MAPK10: variants seen among roughly 807,000 people sequenced by gnomAD.
MAPK10 encodes mitogen-activated protein kinase 10, also known as JNK3 alpha protein kinase.
Under a neutral mutation model 59.3 loss-of-function variants are expected in MAPK10, and 25 were observed. The observed-to-expected ratio is 0.42, with a 90% CI of 0.31 to 0.59. The LOEUF (loss-of-function observed/expected upper bound fraction) is 0.59, where lower values mean the gene tolerates loss of function less well. Ranked by LOEUF, MAPK10 falls within the 20% of genes least tolerant of loss-of-function variation. MAPK10 has a pLI of 0.15. For synonymous variants in MAPK10, 190 were observed against 200.5 expected (o/e 0.95, Z 0.44); for missense variants, 351 against 568.9 (o/e 0.62, Z 3.90).
upstream of MAPK10, among the ~76,000 whole-genome samples, chr4:86,363,969 ATGAGGTCTAAGTC>A (rs1279827893): frequency 6.6e-6 from 1 of 151,954 alleles, no homozygotes; most frequent in African/African-American, 2.4e-5. Flanking sequence ...TTTAGCAGAG[ATGAGGTCTAAGTC>A]TGTTGCATAG....
At chr4:86,360,477 G>A (rs140366822), upstream of MAPK10, among the ~76,000 whole-genome samples, 62 of 152,308 alleles carry the variant, frequency 4.1e-4, 1 homozygote, top group East Asian at 0.012. Flanking sequence ...CCTCAGAGGA[G>A]AAGCAGGCAT....
chr4:86,040,920 C>G (rs1466675008), intron 11 of MAPK10: 1 of 152,128 alleles, frequency 6.6e-6, no homozygotes, highest in Non-Finnish European at 1.5e-5. Flanking sequence ...CTTTCCACAA[C>G]AAAAGTTGAG....
chr4:86,024,963 T>C (rs1186330358), intron 13 of MAPK10: 1 of 152,228 alleles, frequency 6.6e-6, no homozygotes, highest in Non-Finnish European at 1.5e-5. Flanking sequence ...TGGCACAAAT[T>C]CATTAAGAGA....
chr4:86,469,657 C>A (rs1752506774), intron 1 of MAPK10, among the ~76,000 whole-genome samples: 1 of 152,122 alleles, frequency 6.6e-6, no homozygotes, highest in South Asian at 2.1e-4. Flanking sequence ...CAAACAAATA[C>A]ATGTATGCTT....
intron 1 of MAPK10, among the ~76,000 whole-genome samples, chr4:86,407,117 T>A (rs796241172): frequency 3.3e-5 from 5 of 152,312 alleles, no homozygotes; most frequent in African/African-American, 1.2e-4. Flanking sequence ...CATTCTAAGG[T>A]AAGCTTAAGT....
intron 2 of MAPK10, among the ~76,000 whole-genome samples, chr4:86,246,988 A>T (rs995293179): frequency 6.6e-6 from 1 of 152,234 alleles, no homozygotes; most frequent in African/African-American, 2.4e-5. Flanking sequence ...GACTAAAGGT[A>T]AGAATCTTTA....
At chr4:86,027,950 A>G (rs1182796800) in intron 13 of MAPK10, 1 of 152,234 alleles carries the variant, frequency 6.6e-6, no homozygotes, top group African/African-American at 2.4e-5. Flanking sequence ...GATGAATAGA[A>G]TAGGTTCTAC....
intron 11 of MAPK10, among the ~76,000 whole-genome samples, chr4:86,033,012 C>T (rs1204666202): frequency 1.3e-5 from 2 of 151,810 alleles, no homozygotes; most frequent in Non-Finnish European, 2.9e-5. Context: ...ATAGTAAGAA[C>T]ACAACACATT....
At chr4:86,553,339 TG>T (rs1760005858) in intron 1 of MAPK10, among the ~76,000 whole-genome samples, 1 of 152,070 alleles carries the variant, frequency 6.6e-6, no homozygotes, top group African/African-American at 2.4e-5. Flanking sequence ...CACTCTCCTC[TG>T]GAAGGGAGGA....
At chr4:86,296,175 CA>C (rs34854999) in intron 2 of MAPK10, among the ~76,000 whole-genome samples, 203 of 116,178 alleles carry the variant, frequency 1.7e-3, no homozygotes, top group Middle Eastern at 5.0e-3. Flanking sequence ...GACTTGGTCT[CA>C]AAAAAAAAAA....
At chr4:86,589,334 A>G (rs1714474107) in intron 1 of MAPK10, among the ~76,000 whole-genome samples, 1 of 152,086 alleles carries the variant, frequency 6.6e-6, no homozygotes, top group Non-Finnish European at 1.5e-5. Context: ...CTTTGTTAGG[A>G]TGACTGGAAC....
chr4:86,194,429 C>A lies in MAPK10; in HGVS notation c.-6-22G>T, dbSNP rs767431668. 4 of 1,374,410 alleles carry A rather than the reference C, an allele frequency of 2.9e-6. No homozygotes were observed. In the Admixed American group the frequency reaches 6.8e-5, roughly 23 times the overall value. 85.1% of individuals were successfully genotyped at this position (1,374,410 alleles called of 1,614,324 possible). On this transcript the variant is annotated intron_variant, in intron 2 of 13. Coordinates refer to ENST00000641462, the MANE Select transcript of MAPK10 (RefSeq NM_138982.4). ...ATACCTAGAGGAAAAAGAAATGGAG[C>A]ATAAATTTTCAAATCACTAGTTTTT... is the stretch of plus-strand genomic sequence containing the variant.
At chr4:86,548,042 C>T (rs929344898) in intron 1 of MAPK10, among the ~76,000 whole-genome samples, 5 of 152,170 alleles carry the variant, frequency 3.3e-5, no homozygotes, top group Non-Finnish European at 5.9e-5. Context: ...CCGCTCAGGT[C>T]CCCTTCCACA....
intron 1 of MAPK10, among the ~76,000 whole-genome samples, chr4:86,411,660 TC>T (rs1295668060): frequency 6.6e-6 from 1 of 152,232 alleles, no homozygotes; most frequent in African/African-American, 2.4e-5. Context: ...GTAATGGCCT[TC>T]TTTGTCTCTT....
intron 11 of MAPK10, among the ~76,000 whole-genome samples, chr4:86,042,448 C>A (rs2148942732): frequency 6.6e-6 from 1 of 152,120 alleles, no homozygotes; most frequent in South Asian, 2.1e-4. Context: ...ATGTAACAAA[C>A]CTGCACGTTC....
intron 2 of MAPK10, among the ~76,000 whole-genome samples, chr4:86,245,617 A>G (rs981896824): frequency 1.3e-5 from 2 of 152,154 alleles, no homozygotes; most frequent in African/African-American, 4.8e-5. Context: ...TTTAGGTGTA[A>G]GCCACTGTGG....
At chr4:86,449,613 T>C (rs1750457464) in intron 1 of MAPK10, among the ~76,000 whole-genome samples, 1 of 152,232 alleles carries the variant, frequency 6.6e-6, no homozygotes, top group African/African-American at 2.4e-5. Flanking sequence ...CAATAAGTCA[T>C]GCATGCTTTT....
At chr4:86,270,312 T>C (rs2094394118) in intron 2 of MAPK10, among the ~76,000 whole-genome samples, 1 of 151,936 alleles carries the variant, frequency 6.6e-6, no homozygotes, top group Admixed American at 6.6e-5. Context: ...TAATTTTCGT[T>C]TACTCTTTAC....
At chr4:86,083,918 A>T (rs1011422267) in intron 9 of MAPK10, among the ~76,000 whole-genome samples, 5 of 152,184 alleles carry the variant, frequency 3.3e-5, no homozygotes, top group Admixed American at 1.3e-4. Flanking sequence ...TCCAGGCCCC[A>T]GTTCCCAGAT....
Sources: gnomAD v4.1 joint callset for allele counts (sites outside exome capture counted in the v4.1 genomes callset) on GRCh38, gnomAD v4.1.1 for gene constraint, MANE v1.5 for transcripts, NCBI Gene and HGNC (gene_info 2026-07-23, HGNC 2026-07-21) for gene names.